Variants in COL6A3 observed in about 807,000 individuals in gnomAD.
The protein encoded by COL6A3 is collagen type VI alpha 3 chain.
COL6A3 carries 137 observed loss-of-function variants against 274.1 expected under a neutral mutation model. The ratio of observed to expected loss-of-function variants is 0.50; its 90% CI spans 0.44 to 0.58. The LOEUF is 0.58. Ranked by LOEUF, COL6A3 falls within the 20% of genes least tolerant of loss-of-function variation. The pLI is 0.00. For synonymous variants in COL6A3, 1,650 were observed against 1,650.6 expected (o/e 1.00, Z 0.01); for missense variants, 3,950 against 4,124.9 (o/e 0.96, Z 1.16).
intron 3 of COL6A3, among the ~76,000 whole-genome samples, chr2:237,390,164 C>A (rs895791572): frequency 2.6e-5 from 4 of 152,188 alleles, no homozygotes; most frequent in Non-Finnish European, 5.9e-5. Context: ...TACAGTCAAG[C>A]TTTTAAAAAT....
At chr2:237,326,049 C>G (rs1699925635) in intron 42 of COL6A3, 1 of 203,184 alleles carries the variant, frequency 4.9e-6, no homozygotes, top group South Asian at 1.3e-4. Context: ...AATCACTGGG[C>G]CATTTGCCCT....
Position 237,377,286 on chromosome 2 carries a change from G to C in COL6A3, c.2556C>G (p.Phe852Leu). 1.2e-6 allele frequency: 2 copies of C among 1,604,186 alleles called. No homozygotes were observed. The highest frequency in any genetic ancestry group is 1.7e-6 in the Non-Finnish European group (2 of 1,179,970). ...TGTAGAGAAAGTCACGGACAACAGG[G>C]AACTGGCCCACAAGATTGGCTGAGC... ...FDGSANLVGQ[F>L]PVVRDFLYKI... The change falls in exon 7 of 44, where the codon TTC becomes TTG. Residue 852 changes from phenylalanine (F) to leucine (L), a missense_variant. Phe to Leu is a conservative substitution (Grantham distance 22). Around this residue, in one of 5 missense-constraint regions of COL6A3, gnomAD observed 1,934 missense variants for 1,984.3 expected, o/e 0.97. Transcript: ENST00000295550.
intron 2 of COL6A3, among the ~76,000 whole-genome samples, chr2:237,395,994 C>A (rs2078431062): frequency 6.6e-6 from 1 of 152,180 alleles, no homozygotes; most frequent in Non-Finnish European, 1.5e-5. Flanking sequence ...ACTCTACTTA[C>A]CTCAGGCTGA....
chr2:237,331,167 T>C (rs2106306535), intron 42 of COL6A3, among the ~76,000 whole-genome samples: 1 of 152,376 alleles, frequency 6.6e-6, no homozygotes, highest in Admixed American at 6.5e-5. Flanking sequence ...CTAGAAAATG[T>C]ATATTTGGAG....
At position 237,344,087 on chromosome 2, in the gene COL6A3, C is replaced by T; in HGVS notation, c.7668+263G>A. 1.8e-6 allele frequency: 1 copy of T among 560,482 alleles called. No homozygotes were observed. 34.7% of individuals were successfully genotyped at this position (560,482 alleles called of 1,614,324 possible). A position where few individuals can be genotyped will look rare whatever the true frequency, so the allele number is the denominator to read the frequency against. ...TAGTAGATAGAGAGTGTCACCAACA[C>T]TAGCATCACTAACCGGCAAGAGCTG... On this transcript the variant is annotated intron_variant, in intron 36 of 43. Coordinates refer to ENST00000295550, the MANE Select transcript of COL6A3 (RefSeq NM_004369.4). The surrounding 1 kb of genome is among the most constrained non-coding windows in gnomAD (Gnocchi z 4.8).
chr2:237,410,772 G>T (rs2106409103), intron 1 of COL6A3, among the ~76,000 whole-genome samples: 1 of 152,324 alleles, frequency 6.6e-6, no homozygotes, highest in East Asian at 1.9e-4. Context: ...ATTAGAGGGG[G>T]CAAGCAACAT....
At chr2:237,343,187 AT>A (rs2077024436) in intron 36 of COL6A3, 1 of 152,154 alleles carries the variant, frequency 6.6e-6, no homozygotes, top group Admixed American at 6.5e-5. Flanking sequence ...CTGAATAAAT[AT>A]TAATTGATGT....
rs376621780 is a variant in COL6A3 at position 237,353,354 on chromosome 2, G to A, written c.6677C>T (p.Thr2226Ile). 24 of 1,614,046 alleles carry A rather than the reference G, an allele frequency of 1.5e-5. No homozygotes were observed. Among genetic ancestry groups the A allele is most frequent in the Non-Finnish European group, 1.9e-5 (22 of 1,180,020 alleles). Residue 2226 changes from threonine (T) to isoleucine (I), a missense_variant, in exon 25 of 44, where the codon ACC becomes ATC. Physicochemically the swap from Thr to Ile is moderately conservative, Grantham distance 89 (BLOSUM62 -1). This residue lies in a region of COL6A3 where 1,284 missense variants were observed against 1,349.7 expected (regional missense o/e 0.95). Transcript: ENST00000295550. ...GGAAGCACTCACCTGTGCACCTCTG[G>A]TCCCCTGCTCTCCCTCAAAGCCCGG... ...GQPGFEGEQG[T>I]RGAQGPAGPA...
chr2:237,353,334 C>T lies in COL6A3; in HGVS notation c.6690+7G>A, dbSNP rs2077247435. 1.2e-6 allele frequency: 2 copies of T among 1,613,776 alleles called. No homozygotes were observed. Among genetic ancestry groups the T allele is most frequent in the Non-Finnish European group, 1.7e-6 (2 of 1,179,700 alleles). On this transcript the variant is annotated splice_region_variant and intron_variant, in intron 25 of 43. Transcript: ENST00000295550. ...GAGGGCACACAGTCACACACGGAAGCACTCACCTGTGCACCTCTGGTCCCC... is the reference window on the plus strand; with the variant it reads ...GAGGGCACACAGTCACACACGGAAGTACTCACCTGTGCACCTCTGGTCCCC...
chr2:237,360,428 G>A (rs1233832639), intron 16 of COL6A3, among the ~76,000 whole-genome samples: 1 of 152,096 alleles, frequency 6.6e-6, no homozygotes, highest in African/African-American at 2.4e-5. Context: ...AGGGTGGGTG[G>A]CCCCCAGCAC....
In COL6A3 at chr2:237,352,604, TCGTGAGTG is replaced by T; in HGVS notation, c.6691-28_6691-21del. 1 of 1,610,194 alleles carries T rather than the reference TCGTGAGTG, an allele frequency of 6.2e-7. No individual in the cohort carries two copies. Among genetic ancestry groups the T allele is most frequent in the South Asian group, 1.1e-5 (1 of 90,420 alleles). On this transcript the variant is annotated intron_variant, in intron 25 of 43. Transcript: ENST00000295550. ...TGGGCCCTGAGGAAGGAAAAGACCATCGTGAGTGCTAATGAGGTGACTTTCCATGAGAA... is the reference window on the plus strand; with the variant it reads ...TGGGCCCTGAGGAAGGAAAAGACCATCTAATGAGGTGACTTTCCATGAGAA...
At chr2:237,346,873 G>C (rs2077107537) in intron 31 of COL6A3, among the ~76,000 whole-genome samples, 1 of 151,754 alleles carries the variant, frequency 6.6e-6, no homozygotes, top group South Asian at 2.1e-4. Context: ...CAGGAGAATA[G>C]GTAACAGACA....
chr2:237,406,489 C>G (rs1052727589), intron 1 of COL6A3, among the ~76,000 whole-genome samples: 2 of 152,092 alleles, frequency 1.3e-5, no homozygotes, highest in African/African-American at 4.8e-5. Context: ...TGGAAATAGT[C>G]AAAGACCACA....
At chr2:237,326,241 A>ATGAG in intron 42 of COL6A3, 1 of 106,750 alleles carries the variant, frequency 9.4e-6, no homozygotes, top group Admixed American at 9.0e-5. Flanking sequence ...AAAATCCTTT[A>ATGAG]TGAGTGTGTG....
chr2:237,364,525 A>G lies in COL6A3; in HGVS notation c.5839-97T>C, dbSNP rs773281725. ...AGAGACTCGCTGTCTCAAGCCCTTCATTTTACACTTAAGGAAACTGAGGGC... is the reference window on the plus strand; with the variant it reads ...AGAGACTCGCTGTCTCAAGCCCTTCGTTTTACACTTAAGGAAACTGAGGGC... On this transcript the variant is annotated intron_variant, in intron 12 of 43. Transcript: ENST00000295550. The surrounding 1 kb of genome is among the most constrained non-coding windows in gnomAD (Gnocchi z 4.6). 17 of 960,884 alleles carry G rather than the reference A, an allele frequency of 1.8e-5. No homozygotes were observed. Among genetic ancestry groups the G allele is most frequent in the Non-Finnish European group, 2.8e-5 (17 of 597,856 alleles). 59.5% of individuals were successfully genotyped at this position (960,884 alleles called of 1,614,324 possible).
Position 237,394,783 on chromosome 2 carries a change from G to C in COL6A3, c.513C>G (p.Asn171Lys), listed in dbSNP as rs1205723503. 1.2e-6 allele frequency: 2 copies of C among 1,614,032 alleles called. No homozygotes were observed. The highest frequency in any genetic ancestry group is 8.5e-7 in the Non-Finnish European group (1 of 1,180,042). The change falls in exon 3 of 44, where the codon AAC becomes AAG. Residue 171 changes from asparagine to lysine, a missense_variant. Transcript: ENST00000295550. ...PSAELKSADV[N>K]VFAIGVEDAD... Reference sequence around the variant, plus strand: ...CATCCTCAACTCCAATTGCAAACACGTTAACATCAGCAGACTTAAGTTCCG... The same window carrying C: ...CATCCTCAACTCCAATTGCAAACACCTTAACATCAGCAGACTTAAGTTCCG...
chr2:237,360,024 T>G, intron 17 of COL6A3, 64 bp downstream of exon 17: 2 of 1,539,248 alleles, frequency 1.3e-6, no homozygotes, highest in Non-Finnish European at 1.8e-6. Flanking sequence ...CCTGGCAGCA[T>G]CTGGAGAAAC....
chr2:237,333,193 A>G (rs1700353333), intron 42 of COL6A3: 1 of 556,728 alleles, frequency 1.8e-6, no homozygotes, highest in African/African-American at 1.9e-5. Context: ...TGTCTAATGG[A>G]TACGTGAATT....
At chr2:237,365,285 C>T (rs992080276) in intron 12 of COL6A3, among the ~76,000 whole-genome samples, 3 of 151,612 alleles carry the variant, frequency 2.0e-5, no homozygotes, top group Non-Finnish European at 2.9e-5. Flanking sequence ...TTCCAAAAGC[C>T]CGCCAGGCTG....
Sources: gnomAD v4.1 joint callset for allele counts (sites outside exome capture counted in the v4.1 genomes callset) on GRCh38, gnomAD v4.1.1 for gene constraint, gnomAD v4.1.1 regional missense constraint, Gnocchi (gnomAD v3.1) non-coding constraint, MANE v1.5 for transcripts, NCBI Gene and HGNC (gene_info 2026-07-23, HGNC 2026-07-21) for gene names.